The following RUNDC3B variants were observed in gnomAD, a reference collection of about 807,000 sequenced individuals.
RUNDC3B encodes RUN domain-containing protein 3B.
A neutral mutation model predicts 58.4 loss-of-function variants in RUNDC3B; 33 were observed. The ratio of observed to expected loss-of-function variants is 0.56; its 90% CI spans 0.43 to 0.75. The LOEUF (loss-of-function observed/expected upper bound fraction) is 0.75. RUNDC3B is among the 30% of genes least tolerant of loss of function. The pLI, the probability that RUNDC3B is intolerant of heterozygous loss-of-function variation, is 0.00. For missense variants in RUNDC3B, 501 were observed against 535.7 expected (o/e 0.94, Z 0.64); for synonymous variants, 193 against 195.2 (o/e 0.99, Z 0.10).
At position 87,716,887 on chromosome 7, in the gene RUNDC3B, A is replaced by T. The variant is rs564228488; in HGVS notation, c.458+6232A>T. On this transcript the variant is annotated intron_variant, in intron 4 of 10. Coordinates refer to ENST00000394654, the MANE Select transcript of RUNDC3B (RefSeq NM_001134405.2). ...GGTCTCACTCTGTCTTCTAGGCTGC[A>T]GTGCAGTGGCACAGTCATGGCTCAC... 1.2e-3 allele frequency among the ~76,000 whole-genome samples: 178 copies of T among 152,232 alleles called. 3 individuals carry two copies. The highest frequency in any genetic ancestry group is 3.7e-3 in the Admixed American group (56 of 15,278).
chr7:87,791,553 A>G (rs962979454), intron 8 of RUNDC3B, among the ~76,000 whole-genome samples: 5 of 152,140 alleles, frequency 3.3e-5, no homozygotes, highest in Non-Finnish European at 7.4e-5. Flanking sequence ...AAGAGAAACA[A>G]AAATGTAAAA....
intron 4 of RUNDC3B, among the ~76,000 whole-genome samples, chr7:87,713,477 G>A (rs547936585): frequency 6.6e-6 from 1 of 152,180 alleles, no homozygotes; most frequent in East Asian, 1.9e-4. Context: ...AAGCATTGAA[G>A]AAATATGTGT....
intron 7 of RUNDC3B, among the ~76,000 whole-genome samples, chr7:87,773,105 C>T (rs988875339): frequency 2.8e-4 from 43 of 151,780 alleles, no homozygotes; most frequent in Non-Finnish European, 4.9e-4. Context: ...GGGCGGATCA[C>T]GAGGTCAGGA....
chr7:87,673,190 A>T (rs1188506087), intron 2 of RUNDC3B, among the ~76,000 whole-genome samples: 1 of 152,194 alleles, frequency 6.6e-6, no homozygotes, highest in South Asian at 2.1e-4. Flanking sequence ...ATGACTATAT[A>T]TGTCTTAGGG....
chr7:87,722,292 A>T (rs1186656299), intron 4 of RUNDC3B, among the ~76,000 whole-genome samples: 1 of 152,044 alleles, frequency 6.6e-6, no homozygotes, highest in Non-Finnish European at 1.5e-5. Flanking sequence ...TGTACAGTAG[A>T]TCTCAAAATC....
At chr7:87,715,873 G>A (rs1487245172) in intron 4 of RUNDC3B, among the ~76,000 whole-genome samples, 1 of 151,870 alleles carries the variant, frequency 6.6e-6, no homozygotes, top group Non-Finnish European at 1.5e-5. Context: ...GTTTTGAAAC[G>A]GTCTGTATGG....
chr7:87,736,459 A>T (rs1263967393), intron 4 of RUNDC3B, among the ~76,000 whole-genome samples: 1 of 152,098 alleles, frequency 6.6e-6, no homozygotes. Flanking sequence ...TATATGTGGT[A>T]AAAGAAAAGC....
intron 6 of RUNDC3B, among the ~76,000 whole-genome samples, chr7:87,753,040 G>A (rs887490522): frequency 6.6e-6 from 1 of 152,116 alleles, no homozygotes; most frequent in Non-Finnish European, 1.5e-5. Flanking sequence ...TCTACACACT[G>A]CTTTGAATGT....
intron 2 of RUNDC3B, among the ~76,000 whole-genome samples, chr7:87,666,847 G>A (rs1278625548): frequency 6.6e-6 from 1 of 151,948 alleles, no homozygotes; most frequent in Non-Finnish European, 1.5e-5. Context: ...ATTGGTCTAT[G>A]TGCCTGTTTT....
intron 2 of RUNDC3B, among the ~76,000 whole-genome samples, chr7:87,669,039 T>G (rs932243583): frequency 2.2e-5 from 3 of 133,554 alleles, no homozygotes; most frequent in Non-Finnish European, 5.0e-5. Flanking sequence ...TTGTTAATTG[T>G]CTGCCTCAAT....
chr7:87,754,180 A>C (rs545892161), intron 6 of RUNDC3B, among the ~76,000 whole-genome samples: 1 of 152,222 alleles, frequency 6.6e-6, no homozygotes, highest in African/African-American at 2.4e-5. Context: ...AACTGACCAC[A>C]TAATTGGACA....
chr7:87,668,105 C>T (rs1825449571), intron 2 of RUNDC3B, among the ~76,000 whole-genome samples: 1 of 150,570 alleles, frequency 6.6e-6, no homozygotes. Context: ...GTTATGAATC[C>T]ATCAGGCCCT....
chr7:87,670,429 T>C (rs932606780), intron 2 of RUNDC3B, among the ~76,000 whole-genome samples: 4 of 152,232 alleles, frequency 2.6e-5, no homozygotes, highest in Non-Finnish European at 5.9e-5. Flanking sequence ...TTCCTGAGTC[T>C]CAGTGATCTT....
At chr7:87,763,953 A>G (rs1438142421) in intron 6 of RUNDC3B, among the ~76,000 whole-genome samples, 1 of 151,746 alleles carries the variant, frequency 6.6e-6, no homozygotes, top group Non-Finnish European at 1.5e-5. Flanking sequence ...TGAAATATAT[A>G]ATGTCTGTCT....
intron 2 of RUNDC3B, among the ~76,000 whole-genome samples, chr7:87,675,450 C>T (rs1826229585): frequency 6.6e-6 from 1 of 151,966 alleles, no homozygotes; most frequent in Non-Finnish European, 1.5e-5. Flanking sequence ...TGACTTCAAA[C>T]TATGTTACAA....
At chr7:87,728,107 A>G (rs56363034) in intron 4 of RUNDC3B, among the ~76,000 whole-genome samples, 1 of 152,182 alleles carries the variant, frequency 6.6e-6, no homozygotes, top group African/African-American at 2.4e-5. Flanking sequence ...AAATCTTCTT[A>G]GTCTTATAAC....
intron 6 of RUNDC3B, among the ~76,000 whole-genome samples, chr7:87,741,913 T>G (rs576547366): frequency 6.6e-6 from 1 of 152,210 alleles, no homozygotes; most frequent in Non-Finnish European, 1.5e-5. Flanking sequence ...AGTATTTAGA[T>G]TGTTTTCCAT....
intron 2 of RUNDC3B, among the ~76,000 whole-genome samples, chr7:87,674,158 G>A (rs534502915): frequency 6.6e-6 from 1 of 152,332 alleles, no homozygotes; most frequent in East Asian, 1.9e-4. Context: ...CTTCATCGAG[G>A]TGGTGGCAGT....
chr7:87,704,144 C>T (rs1194718149), intron 3 of RUNDC3B, among the ~76,000 whole-genome samples: 1 of 151,982 alleles, frequency 6.6e-6, no homozygotes, highest in East Asian at 1.9e-4. Flanking sequence ...TGGTCTCGAA[C>T]TCCTGAGTTC....
Sources: gnomAD v4.1 joint callset for allele counts (sites outside exome capture counted in the v4.1 genomes callset) on GRCh38, gnomAD v4.1.1 for gene constraint, MANE v1.5 for transcripts, NCBI Gene and HGNC (gene_info 2026-07-23, HGNC 2026-07-21) for gene names.